Variants in ADAMTS19 observed in about 807,000 individuals in gnomAD.
ADAMTS19 encodes ADAM metallopeptidase with thrombospondin type 1 motif 19.
Under a neutral mutation model 153.3 loss-of-function variants are expected in ADAMTS19, and 93 were observed. The observed-to-expected ratio is 0.61, with a 90% confidence interval of 0.51 to 0.72. The LOEUF (loss-of-function observed/expected upper bound fraction) is 0.72. Ranked by LOEUF, ADAMTS19 falls within the 30% of genes least tolerant of loss-of-function variation. ADAMTS19 has a pLI of 0.00. For synonymous variants in ADAMTS19, 600 were observed against 556.6 expected, an observed-to-expected ratio of 1.08 and a Z score of -1.10; for missense variants, 1,482 against 1,552.1, an observed-to-expected ratio of 0.95 and a Z score of 0.76.
intron 3 of ADAMTS19, among the ~76,000 whole-genome samples, chr5:129,512,976 T>G (rs1017254580): frequency 6.6e-6 from 1 of 152,114 alleles, no homozygotes; most frequent in African/African-American, 2.4e-5. Flanking sequence ...TGGGTTCAGC[T>G]TTACATTGAT....
intron 17 of ADAMTS19, among the ~76,000 whole-genome samples, chr5:129,680,753 C>T (rs1754766654): frequency 7.1e-6 from 1 of 140,558 alleles, no homozygotes; most frequent in South Asian, 2.3e-4. Context: ...CAGAGGGAGA[C>T]TCTGTCTCAA....
intron 18 of ADAMTS19, among the ~76,000 whole-genome samples, chr5:129,687,532 G>A (rs952045989): frequency 6.6e-5 from 10 of 152,152 alleles, no homozygotes; most frequent in African/African-American, 2.4e-4. Flanking sequence ...CAATTGCTAA[G>A]CATCAAGGAA....
chr5:129,525,567 G>A (rs1056424447), intron 3 of ADAMTS19, among the ~76,000 whole-genome samples: 3 of 151,912 alleles, frequency 2.0e-5, no homozygotes, highest in African/African-American at 7.3e-5. Context: ...TCACTTGGTG[G>A]CATGATTTCC....
At position 129,575,992 on chromosome 5, in the gene ADAMTS19, T is replaced by TG. The variant is rs536844695; in HGVS notation, c.1373-20567_1373-20566insG. ...CACAAAAGCTAGCTGCAGACATAAT[T>TG]TTTTTTAACATTCTTCCTTCCATAT... On this transcript the variant is annotated intron_variant, in intron 7 of 22. Coordinates refer to ENST00000274487, the MANE Select transcript of ADAMTS19 (RefSeq NM_133638.6). Among the ~76,000 whole-genome samples the TG allele has an allele frequency of 2.3e-4, 35 of 151,706 alleles. 1 individual carries two copies. In the East Asian group the frequency reaches 6.8e-3, roughly 30 times the overall value.
chr5:129,576,119 C>T (rs1488345287), intron 7 of ADAMTS19, among the ~76,000 whole-genome samples: 1 of 151,836 alleles, frequency 6.6e-6, no homozygotes, highest in Non-Finnish European at 1.5e-5. Context: ...AAAACAATAA[C>T]AGCAGAAACA....
At chr5:129,552,235 T>G (rs2126824454) in intron 7 of ADAMTS19, among the ~76,000 whole-genome samples, 1 of 151,766 alleles carries the variant, frequency 6.6e-6, no homozygotes, top group East Asian at 1.9e-4. Flanking sequence ...TGACATTATG[T>G]TTGACTAATT....
chr5:129,657,040 C>G (rs766258749), intron 14 of ADAMTS19, among the ~76,000 whole-genome samples: 1 of 152,346 alleles, frequency 6.6e-6, no homozygotes, highest in South Asian at 2.1e-4. Context: ...GCTTAATGTT[C>G]TCTTCACATA....
chr5:129,498,770 C>G (rs1286514008), intron 2 of ADAMTS19, among the ~76,000 whole-genome samples: 2 of 150,880 alleles, frequency 1.3e-5, no homozygotes, highest in African/African-American at 2.4e-5. Flanking sequence ...ATTGAGCTAC[C>G]CTTTCTGGCT....
At chr5:129,633,289 A>C (rs30698) in intron 10 of ADAMTS19, among the ~76,000 whole-genome samples, 24,874 of 151,974 alleles carry the variant, frequency 0.16, 2,281 homozygotes, top group East Asian at 0.31. Context: ...CCGTTACCTC[A>C]CTAGGTATAT....
chr5:129,683,583 G>T (rs901232119), intron 17 of ADAMTS19, among the ~76,000 whole-genome samples: 9 of 151,950 alleles, frequency 5.9e-5, no homozygotes, highest in African/African-American at 1.2e-4. Context: ...CCTCCAGTTT[G>T]CTTAGAAATT....
intron 8 of ADAMTS19, among the ~76,000 whole-genome samples, chr5:129,608,897 A>C (rs6595914): frequency 0.83 from 125,579 of 150,664 alleles, 52,592 homozygotes; most frequent in Non-Finnish European, 0.88. Flanking sequence ...TAAGAAATGC[A>C]TATAAAGTAT....
chr5:129,686,509 G>A (rs1473080843), intron 18 of ADAMTS19, among the ~76,000 whole-genome samples: 4 of 152,018 alleles, frequency 2.6e-5, no homozygotes, highest in Non-Finnish European at 5.9e-5. Context: ...AGGGAGAGGG[G>A]TCTGGTAGTG....
intron 19 of ADAMTS19, among the ~76,000 whole-genome samples, chr5:129,699,240 G>A (rs1755711997): frequency 6.6e-6 from 1 of 152,050 alleles, no homozygotes; most frequent in African/African-American, 2.4e-5. Flanking sequence ...TGGCCAAAAT[G>A]TTGAAACCCC....
At position 129,620,677 on chromosome 5, in the gene ADAMTS19, C is replaced by T; in HGVS notation, c.1538C>T (p.Ser513Phe). 6.2e-7 allele frequency: 1 copy of T among 1,612,842 alleles called. No homozygotes were observed. The highest frequency in any genetic ancestry group is 8.5e-7 in the Non-Finnish European group (1 of 1,179,170). ...TGTGCTGATGGTCTTCATATCATGT[C>T]TGGTGAATGGATTAAAGGACAGAAT... The part of the protein sequence containing the change: ...PSCADGLHIM[S>F]GEWIKGQNLG... Residue 513 changes from serine to phenylalanine, a missense_variant, in exon 9 of 23, where the codon TCT becomes TTT. Ser to Phe is a radical substitution (Grantham distance 155). Coordinates refer to ENST00000274487, the MANE Select transcript of ADAMTS19 (RefSeq NM_133638.6).
chr5:129,489,681 CA>C (rs1446659709), intron 2 of ADAMTS19, among the ~76,000 whole-genome samples: 2 of 152,044 alleles, frequency 1.3e-5, no homozygotes, highest in African/African-American at 2.4e-5. Flanking sequence ...AAGGCCAGAG[CA>C]AAAAAGTTTA....
At position 129,461,195 on chromosome 5, in the gene ADAMTS19, G is replaced by T; in HGVS notation, c.185G>T (p.Gly62Val). The T allele has an allele frequency of 7.4e-7, 1 of 1,343,860 alleles. No individual in the cohort carries two copies. Among genetic ancestry groups the T allele is most frequent in the South Asian group, 2.0e-5 (1 of 50,510 alleles). The allele number at this position is 1,343,860 out of a possible 1,614,324, so 83.2% of individuals were successfully genotyped here. ...GTGGACCCGGCTGGCGGCAGCGGGGGCAGCGCGGACCCGGGCTGGGTGCGC... is the reference window on the plus strand; with the variant it reads ...GTGGACCCGGCTGGCGGCAGCGGGGTCAGCGCGGACCCGGGCTGGGTGCGC... ...EPVDPAGGSGGSADPGWVRGV... is the reference protein window; with the variant it reads ...EPVDPAGGSGVSADPGWVRGV... The change falls in exon 2 of 23, where the codon GGC (glycine) becomes GTC (valine). Residue 62 changes from glycine to valine, a missense_variant. Transcript: ENST00000274487. The surrounding 1 kb of genome is among the most constrained non-coding windows in gnomAD (Gnocchi z 4.6).
intron 21 of ADAMTS19, among the ~76,000 whole-genome samples, chr5:129,723,802 T>C (rs1424048308): frequency 6.6e-6 from 1 of 152,158 alleles, no homozygotes; most frequent in African/African-American, 2.4e-5. Flanking sequence ...GTACCCATGG[T>C]AATCAGGCTA....
At chr5:129,676,376 T>C (rs1395226229) in intron 16 of ADAMTS19, among the ~76,000 whole-genome samples, 2 of 152,194 alleles carry the variant, frequency 1.3e-5, no homozygotes, top group Non-Finnish European at 2.9e-5. Flanking sequence ...TTATTTCTTA[T>C]ATGTAGCCTT....
intron 2 of ADAMTS19, among the ~76,000 whole-genome samples, chr5:129,476,227 G>A (rs1750220805): frequency 6.6e-6 from 1 of 151,974 alleles, no homozygotes; most frequent in Non-Finnish European, 1.5e-5. Flanking sequence ...TATTTAAAAT[G>A]AACAATTTCA....
Sources: gnomAD v4.1 joint callset for allele counts (sites outside exome capture counted in the v4.1 genomes callset) on GRCh38, gnomAD v4.1.1 for gene constraint, Gnocchi (gnomAD v3.1) non-coding constraint, MANE v1.5 for transcripts, NCBI Gene and HGNC (gene_info 2026-07-23, HGNC 2026-07-21) for gene names.